The following GABRA3 variants were observed in gnomAD, a reference collection of about 807,000 sequenced individuals.
The protein encoded by GABRA3 is gamma-aminobutyric acid type A receptor subunit alpha3.
In GABRA3, 10 loss-of-function variants were observed where a neutral mutation model predicts 30.1. The observed-to-expected ratio is 0.33, with a 90% CI of 0.20 to 0.56. The LOEUF (loss-of-function observed/expected upper bound fraction) is 0.56. GABRA3 is among the 20% of genes least tolerant of loss of function. The pLI is 0.89. For missense variants in GABRA3, 233 were observed against 392.0 expected, an observed-to-expected ratio of 0.59 and a Z score of 3.42; for synonymous variants, 151 against 146.8, an observed-to-expected ratio of 1.03 and a Z score of -0.21.
intron 4 of GABRA3, among the ~76,000 whole-genome samples, chrX:152,279,793 G>A (rs1313894123): frequency 6.7e-4 from 75 of 111,366 alleles, no homozygotes; most frequent in Admixed American, 1.1e-3. Flanking sequence ...TCATTGAGAA[G>A]TGGTTTGTAG....
At chrX:152,237,005 T>A (rs1482722881) in intron 5 of GABRA3, among the ~76,000 whole-genome samples, 6 of 107,866 alleles carry the variant, frequency 5.6e-5, no homozygotes, top group Non-Finnish European at 1.1e-4. Context: ...TTTAATTAGA[T>A]CCCATTTGTC....
intron 8 of GABRA3, among the ~76,000 whole-genome samples, chrX:152,190,160 G>C (rs548550986): frequency 9.0e-6 from 1 of 111,385 alleles, no homozygotes; most frequent in African/African-American, 3.3e-5. Flanking sequence ...ATAGGCATCT[G>C]CAATGGATTA....
At chrX:152,362,928 G>A (rs1009583812) in intron 2 of GABRA3, among the ~76,000 whole-genome samples, 19 of 111,973 alleles carry the variant, frequency 1.7e-4, no homozygotes, top group Non-Finnish European at 2.8e-4. Context: ...TAGGATGGGG[G>A]AGGGAGATGA....
At chrX:152,410,639 G>T (rs1175399828) in intron 1 of GABRA3, among the ~76,000 whole-genome samples, 1 of 110,589 alleles carries the variant, frequency 9.0e-6, no homozygotes, top group Non-Finnish European at 1.9e-5. Context: ...TAAATAAATT[G>T]TTTATAAAAA....
intron 3 of GABRA3, among the ~76,000 whole-genome samples, chrX:152,299,436 G>A (rs184636019): frequency 9.1e-6 from 1 of 110,489 alleles, no homozygotes; most frequent in East Asian, 2.9e-4. Context: ...GGATAAGCGG[G>A]GAAGCAGGGG....
chrX:152,289,397 C>A (rs1041614702), intron 3 of GABRA3, among the ~76,000 whole-genome samples: 2 of 109,801 alleles, frequency 1.8e-5, no homozygotes, highest in African/African-American at 3.3e-5. Context: ...AGAAAGTGAT[C>A]CTTGTACCCC....
intron 1 of GABRA3, among the ~76,000 whole-genome samples, chrX:152,444,101 T>C (rs1043738382): frequency 4.5e-5 from 5 of 111,025 alleles, no homozygotes; most frequent in Middle Eastern, 4.3e-3. Flanking sequence ...TGTAATGCGG[T>C]TGTTTTACTT....
intron 1 of GABRA3, among the ~76,000 whole-genome samples, chrX:152,447,636 C>T (rs996253029): frequency 1.7e-4 from 19 of 112,074 alleles, no homozygotes; most frequent in African/African-American, 5.8e-4. Flanking sequence ...TAACTGAAAG[C>T]GTAATTTGTA....
intron 3 of GABRA3, among the ~76,000 whole-genome samples, chrX:152,292,257 G>A (rs1026199139): frequency 9.0e-6 from 1 of 111,620 alleles, no homozygotes; most frequent in African/African-American, 3.3e-5. Context: ...GGGTGTATGT[G>A]TCGAGGAATT....
chrX:152,269,814 CT>C (rs1418521158), intron 4 of GABRA3, among the ~76,000 whole-genome samples: 2 of 111,896 alleles, frequency 1.8e-5, no homozygotes, highest in African/African-American at 6.5e-5. Context: ...AACTCGTCCC[CT>C]ATCTCTCATC....
At chrX:152,351,744 T>C (rs1242311385) in intron 2 of GABRA3, among the ~76,000 whole-genome samples, 1 of 111,920 alleles carries the variant, frequency 8.9e-6, no homozygotes, top group Non-Finnish European at 1.9e-5. Flanking sequence ...ATCTCAACTT[T>C]TGTCATGCCT....
At chrX:152,449,872 A>G (rs1201887212) in intron 1 of GABRA3, among the ~76,000 whole-genome samples, 2 of 112,242 alleles carry the variant, frequency 1.8e-5, no homozygotes, top group African/African-American at 3.2e-5. Context: ...TGAGTAAACC[A>G]AAGATAATAA....
At chrX:152,207,891 C>A in intron 7 of GABRA3, 110 bp downstream of exon 7, 1 of 746,106 alleles carries the variant, frequency 1.3e-6, no homozygotes, top group East Asian at 3.3e-5. Context: ...ATAATACTAT[C>A]TTTGTCACAA....
At chrX:152,412,932 C>G (rs1343440809) in intron 1 of GABRA3, among the ~76,000 whole-genome samples, 2 of 110,029 alleles carry the variant, frequency 1.8e-5, no homozygotes, top group East Asian at 5.9e-4. Context: ...GAGAAAAGAG[C>G]AGAAAGAACA....
intron 1 of GABRA3, among the ~76,000 whole-genome samples, chrX:152,426,147 T>C (rs766737295): frequency 9.0e-6 from 1 of 111,704 alleles, no homozygotes; most frequent in African/African-American, 3.2e-5. Flanking sequence ...GAATCTGGCA[T>C]TTTAAGACAC....
chrX:152,314,920 G>A (rs1214820956), intron 3 of GABRA3, among the ~76,000 whole-genome samples: 1 of 111,490 alleles, frequency 9.0e-6, no homozygotes, highest in African/African-American at 3.3e-5. Context: ...AAGTACAATG[G>A]TTGGCACATA....
intron 1 of GABRA3, among the ~76,000 whole-genome samples, chrX:152,399,180 T>C (rs139864030): frequency 9.0e-6 from 1 of 111,658 alleles, no homozygotes; most frequent in Non-Finnish European, 1.9e-5. Flanking sequence ...CCACTCAGGC[T>C]AGGTGAGTAT....
At chrX:152,301,352 A>G (rs1411199539) in intron 3 of GABRA3, among the ~76,000 whole-genome samples, 1 of 112,197 alleles carries the variant, frequency 8.9e-6, no homozygotes, top group Non-Finnish European at 1.9e-5. Context: ...TCATTTTATA[A>G]GAAATTCCAA....
chrX:152,231,895 C>T (rs1176073651), intron 5 of GABRA3, among the ~76,000 whole-genome samples: 1 of 111,477 alleles, frequency 9.0e-6, no homozygotes, highest in Non-Finnish European at 1.9e-5. Context: ...GTGAAAATAG[C>T]GAGACACAAA....
Sources: allele counts gnomAD v4.1 joint callset (sites outside exome capture counted in the v4.1 genomes callset), GRCh38; gene constraint gnomAD v4.1.1; transcripts MANE v1.5; gene names NCBI Gene and HGNC (gene_info 2026-07-23, HGNC 2026-07-21).